FXR1: variants seen among roughly 807,000 people sequenced by gnomAD.
FXR1 encodes FMR1 autosomal homolog 1.
Under a neutral mutation model 84.0 loss-of-function variants are expected in FXR1, and 15 were observed. That is an observed-to-expected ratio of 0.18 (90% confidence interval 0.12 to 0.27). The LOEUF (loss-of-function observed/expected upper bound fraction) is 0.27. FXR1 is among the 10% of genes least tolerant of loss of function. The probability of loss-of-function intolerance (pLI) is 1.00; values close to 1 mark genes in which losing one functional copy is unlikely to be tolerated. For synonymous variants in FXR1, 245 were observed against 250.7 expected (o/e 0.98, Z 0.21); for missense variants, 480 against 774.4 (o/e 0.62, Z 4.51).
intron 7 of FXR1, among the ~76,000 whole-genome samples, chr3:180,950,345 T>C (rs1722100959): frequency 6.6e-6 from 1 of 152,226 alleles, no homozygotes; most frequent in South Asian, 2.1e-4. Context: ...TTTAGACTAA[T>C]AAAATAGATG....
chr3:180,948,399 C>T lies in FXR1; in HGVS notation c.323C>T (p.Thr108Ile), dbSNP rs893010610. 3 of 1,606,136 alleles carry T rather than the reference C, an allele frequency of 1.9e-6. No individual in the cohort carries two copies. The highest frequency in any genetic ancestry group is 2.2e-5 in the East Asian group (1 of 44,828). Reference sequence around the variant, plus strand: ...GACGCTACTTACAATGAAATAGTCACATTTGAACGACTTCGGCCTGTCAAT... The same window carrying T: ...GACGCTACTTACAATGAAATAGTCATATTTGAACGACTTCGGCCTGTCAAT... ...ACDATYNEIV[T>I]FERLRPVNQN... is the part of the protein sequence containing the mutation. Residue 108 changes from threonine (T) to isoleucine (I), a missense_variant, in exon 5 of 17, where the codon ACA becomes ATA. By Grantham distance (89) the Thr-to-Ile change is moderately conservative (BLOSUM62 -1). This residue lies in a region of FXR1 where 136 missense variants were observed against 315.4 expected (regional missense o/e 0.43). Transcript: ENST00000357559.
intron 15 of FXR1, among the ~76,000 whole-genome samples, chr3:180,972,620 G>GT (rs1460318123): frequency 2.0e-5 from 3 of 152,174 alleles, no homozygotes; most frequent in African/African-American, 7.2e-5. Context: ...TTATTACCAA[G>GT]TCAACAGGTA....
At chr3:180,954,371 A>AG (rs35754605) in intron 9 of FXR1, among the ~76,000 whole-genome samples, 3 of 152,188 alleles carry the variant, frequency 2.0e-5, no homozygotes, top group Non-Finnish European at 4.4e-5. Flanking sequence ...TGATAATATG[A>AG]GGGGAGGTTT....
intron 15 of FXR1, among the ~76,000 whole-genome samples, chr3:180,974,008 T>C (rs1303882926): frequency 6.6e-6 from 1 of 152,216 alleles, no homozygotes; most frequent in Non-Finnish European, 1.5e-5. Flanking sequence ...TTTCATTCTT[T>C]ACATAATTAA....
chr3:180,914,534 A>T (rs771324054), intron 1 of FXR1: 1 of 152,378 alleles, frequency 6.6e-6, no homozygotes, highest in Admixed American at 6.6e-5. Context: ...AGCAAAGTAT[A>T]TTTGTCAATA....
chr3:180,939,748 ATTC>A (rs1242668405), intron 3 of FXR1, among the ~76,000 whole-genome samples: 1 of 152,180 alleles, frequency 6.6e-6, no homozygotes, highest in Non-Finnish European at 1.5e-5. Flanking sequence ...TTCCAAATGT[ATTC>A]AGAGGGTTTG....
At chr3:180,940,092 C>T (rs1805573) in intron 3 of FXR1, among the ~76,000 whole-genome samples, 25,916 of 152,078 alleles carry the variant, frequency 0.17, 2,458 homozygotes, top group South Asian at 0.25. Flanking sequence ...AATGTCATGG[C>T]CCAGCAGTGG....
intron 3 of FXR1, among the ~76,000 whole-genome samples, chr3:180,944,009 C>T (rs576201962): frequency 4.1e-4 from 62 of 152,196 alleles, no homozygotes; most frequent in African/African-American, 1.4e-3. Context: ...CTCCGCCTCC[C>T]AGGTTCAAGC....
rs529783282 is a variant in FXR1 at position 180,963,101 on chromosome 3, ATTT to A, written c.1198+27_1198+29del. Reference sequence around the variant, plus strand: ...ACACCTCCGGTTATGGTAAAAAAAAATTTTTTTTTTTTTTTTTTGGTAATAGTA... The same window carrying A: ...ACACCTCCGGTTATGGTAAAAAAAAATTTTTTTTTTTTTTTGGTAATAGTA... On this transcript the variant is annotated intron_variant, in intron 13 of 16. Transcript: ENST00000357559. 680 of 862,646 alleles carry A rather than the reference ATTT, an allele frequency of 7.9e-4. No homozygotes were observed. The highest frequency in any genetic ancestry group is 9.7e-4 in the Admixed American group (40 of 41,046). 53.4% of individuals were successfully genotyped at this position (862,646 alleles called of 1,614,324 possible). A position where few individuals can be genotyped will look rare whatever the true frequency, so the allele number is the denominator to read the frequency against.
rs1805591 is a variant in FXR1, at chr3:180,940,236, T to A, written c.198+5005T>A. Among the ~76,000 whole-genome samples, 15 of 152,364 alleles carry A rather than the reference T, an allele frequency of 9.8e-5. 1 individual carries two copies. In the East Asian group the frequency reaches 2.3e-3, roughly 24 times the overall value. On this transcript the variant is annotated intron_variant, in intron 3 of 16. Coordinates refer to ENST00000357559, the MANE Select transcript of FXR1 (RefSeq NM_005087.4). ...AAATGGTGTCATCTCTTTAAAAATC[T>A]TCATAACACTTAATAGTAAATATTT...
intron 3 of FXR1, among the ~76,000 whole-genome samples, chr3:180,944,092 T>G (rs770776143): frequency 6.7e-6 from 1 of 150,082 alleles, no homozygotes; most frequent in Non-Finnish European, 1.5e-5. Flanking sequence ...AATTTTGTAT[T>G]TTTAGTAGAG....
At chr3:180,974,436 C>T (rs1479182186) in intron 15 of FXR1, among the ~76,000 whole-genome samples, 3 of 152,148 alleles carry the variant, frequency 2.0e-5, no homozygotes, top group African/African-American at 7.2e-5. Flanking sequence ...AGCCACCATG[C>T]CCGGCCCTAA....
chr3:180,927,221 G>A (rs1719337347), intron 1 of FXR1, among the ~76,000 whole-genome samples: 1 of 152,074 alleles, frequency 6.6e-6, no homozygotes, highest in African/African-American at 2.4e-5. Flanking sequence ...TTGGTTCGTA[G>A]TGATTTAGTG....
intron 3 of FXR1, among the ~76,000 whole-genome samples, chr3:180,947,215 AT>A (rs1721790295): frequency 6.6e-6 from 1 of 152,040 alleles, no homozygotes; most frequent in South Asian, 2.1e-4. Context: ...TGCCCGGCTA[AT>A]TTTTATATTT....
intron 3 of FXR1, among the ~76,000 whole-genome samples, chr3:180,943,009 C>T (rs1721296973): frequency 6.6e-6 from 1 of 152,090 alleles, no homozygotes; most frequent in Non-Finnish European, 1.5e-5. Context: ...GCTTGTCGAC[C>T]AGGCTGGAGT....
intron 1 of FXR1, among the ~76,000 whole-genome samples, chr3:180,919,503 C>T (rs567995706): frequency 1.3e-3 from 205 of 151,886 alleles, no homozygotes; most frequent in African/African-American, 4.5e-3. Context: ...CGGCTGGTTT[C>T]GAACTCCTAA....
At position 180,959,990 on chromosome 3, in the gene FXR1, T is replaced by A. The variant is rs1711885226; in HGVS notation, c.991-1478T>A. On this transcript the variant is annotated intron_variant, in intron 10 of 16. Coordinates refer to ENST00000357559, the MANE Select transcript of FXR1 (RefSeq NM_005087.4). ...TCCCTAAACCATTCTGTTTAACTGT[T>A]AGAAACCATTCTGTAAAATGAAGAA... Among the ~76,000 whole-genome samples the A allele has an allele frequency of 2.0e-5, 3 of 152,178 alleles. No individual in the cohort carries two copies. The South Asian group carries it at 6.2e-4, about 32-fold the overall frequency.
At chr3:180,923,793 C>T (rs564946140) in intron 1 of FXR1, among the ~76,000 whole-genome samples, 7 of 152,184 alleles carry the variant, frequency 4.6e-5, no homozygotes, top group African/African-American at 1.7e-4. Context: ...CCCTATGTTG[C>T]CCAGGCTGGC....
chr3:180,961,447 CTT>C lies in FXR1; in HGVS notation c.991-8_991-7del, dbSNP rs368132860. On this transcript the variant is annotated intron_variant, in intron 10 of 16. Coordinates refer to ENST00000357559, the MANE Select transcript of FXR1 (RefSeq NM_005087.4). ...TTGTTAAAATATTAAACACTGAATA[CTT>C]TTTTTTTTTTTTAAACAGGGTATGG... is the stretch of plus-strand genomic sequence containing the variant. 4.0e-3 allele frequency: 4,041 copies of C among 1,015,582 alleles called. No homozygotes were observed. Among genetic ancestry groups the C allele is most frequent in the South Asian group, 4.7e-3 (313 of 66,152 alleles). 62.9% of individuals were successfully genotyped at this position (1,015,582 alleles called of 1,614,324 possible).
Sources: allele counts gnomAD v4.1 joint callset (sites outside exome capture counted in the v4.1 genomes callset), GRCh38; gene constraint gnomAD v4.1.1; regional missense constraint gnomAD v4.1.1; transcripts MANE v1.5; gene names NCBI Gene and HGNC (gene_info 2026-07-23, HGNC 2026-07-21).